ABCC8: variants seen among roughly 807,000 people sequenced by gnomAD.
ABCC8 encodes ATP-binding cassette sub-family C member 8.
A neutral mutation model predicts 188.0 loss-of-function variants in ABCC8; 137 were observed. That is an observed-to-expected ratio of 0.73 (90% CI 0.63 to 0.84). ABCC8 has a LOEUF of 0.84. Among genes scored for constraint, ABCC8 ranks in the 40% least tolerant of loss-of-function variants. ABCC8 has a pLI of 0.00. For missense variants in ABCC8, 1,750 were observed against 2,072.7 expected (o/e 0.84, Z 3.02); for synonymous variants, 797 against 846.5 (o/e 0.94, Z 1.01).
At chr11:17,443,411 C>G in intron 8 of ABCC8, 99 bp from the exon 9 acceptor site, 1 of 1,595,104 alleles carries the variant, frequency 6.3e-7, no homozygotes, top group South Asian at 1.1e-5. Flanking sequence ...TAGAGTGGGA[C>G]AAGCCTTGGT....
At position 17,427,243 on chromosome 11, in the gene ABCC8, A is replaced by G; in HGVS notation, c.2117-89T>C. ...AAAGACAGACAGACAGATGCACCCA[A>G]CCCTGGGGCCCCTGTTTTCTTTCTT... is the stretch of plus-strand genomic sequence containing the variant. On this transcript the variant is annotated intron_variant, in intron 15 of 38. Coordinates refer to ENST00000389817, the MANE Select transcript of ABCC8 (RefSeq NM_000352.6). The surrounding 1 kb of genome is among the most constrained non-coding windows in gnomAD (Gnocchi z 5.0). 7.1e-7 allele frequency: 1 copy of G among 1,402,726 alleles called. No individual in the cohort carries two copies. The highest frequency in any genetic ancestry group is 9.3e-7 in the Non-Finnish European group (1 of 1,077,926). 86.9% of individuals were successfully genotyped at this position (1,402,726 alleles called of 1,614,324 possible). A position where few individuals can be genotyped will look rare whatever the true frequency, so the allele number is the denominator to read the frequency against.
At chr11:17,465,241 C>T (rs1220624792) in intron 3 of ABCC8, among the ~76,000 whole-genome samples, 1 of 152,246 alleles carries the variant, frequency 6.6e-6, no homozygotes, top group Non-Finnish European at 1.5e-5. Context: ...CGGACAGATT[C>T]TATCCCAGGC....
In ABCC8 at chr11:17,430,746, C is replaced by G. The variant is rs1955807844; in HGVS notation, c.1817+68G>C. On this transcript the variant is annotated intron_variant, in intron 12 of 38. Coordinates refer to ENST00000389817, the MANE Select transcript of ABCC8 (RefSeq NM_000352.6). ...CCAAACAGCTGTGGTTTGGCCATCA[C>G]TCGAGCAAGCCTTGAGGCTGACACA... 5.2e-5 allele frequency: 81 copies of G among 1,551,802 alleles called. 1 individual carries two copies. The South Asian group carries it at 8.6e-4, about 16-fold the overall frequency.
intron 16 of ABCC8, among the ~76,000 whole-genome samples, chr11:17,426,369 A>G (rs1212417757): frequency 6.6e-6 from 1 of 152,202 alleles, no homozygotes; most frequent in Non-Finnish European, 1.5e-5. Flanking sequence ...CTTTTTAACG[A>G]TCACCATTCT....
At chr11:17,437,046 G>A (rs555760113) in intron 10 of ABCC8, among the ~76,000 whole-genome samples, 12 of 134,032 alleles carry the variant, frequency 9.0e-5, no homozygotes, top group South Asian at 4.8e-4. Context: ...AGCCGAGATC[G>A]CGCCACTGCA....
intron 10 of ABCC8, among the ~76,000 whole-genome samples, chr11:17,436,500 C>A (rs748480346): frequency 6.6e-6 from 1 of 152,048 alleles, no homozygotes; most frequent in African/African-American, 2.4e-5. Flanking sequence ...AGATTTCTGT[C>A]CAACTCAGGC....
At chr11:17,423,819 T>A (rs1955462069) in intron 16 of ABCC8, among the ~76,000 whole-genome samples, 1 of 152,222 alleles carries the variant, frequency 6.6e-6, no homozygotes, top group African/African-American at 2.4e-5. Flanking sequence ...TATGCCTTCT[T>A]CATGAGGCTC....
At chr11:17,399,275 C>CAAAAAAAAAAAAAA (rs57138230) in intron 29 of ABCC8, among the ~76,000 whole-genome samples, 7 of 58,546 alleles carry the variant, frequency 1.2e-4, no homozygotes, top group African/African-American at 1.8e-4. Flanking sequence ...GACTCTGCCT[C>CAAAAAAAAAAAAAA]AAAAAAAAAA....
chr11:17,475,214 TC>T, intron 1 of ABCC8, 187 bp from the exon 2 acceptor site: 2 of 319,492 alleles, frequency 6.3e-6, no homozygotes, highest in Non-Finnish European at 9.0e-6. Context: ...TGCTGGTACC[TC>T]CCCCACCACA....
chr11:17,435,753 C>T (rs1238532559), intron 10 of ABCC8: 28 of 1,347,468 alleles, frequency 2.1e-5, no homozygotes, highest in Non-Finnish European at 2.7e-5. Context: ...GGGGAATCTT[C>T]AGGCCTTTTC....
rs149628344 is a variant in ABCC8, at chr11:17,413,421, A to G, written c.2448T>C (p.His816=). 1.2e-6 allele frequency: 2 copies of G among 1,614,156 alleles called. No individual in the cohort carries two copies. The highest frequency in any genetic ancestry group is 1.7e-6 in the Non-Finnish European group (2 of 1,180,022). Residue 816 remains histidine (H), a synonymous_variant, in exon 20 of 39, where the codon CAT becomes CAC. Coordinates refer to ENST00000389817, the MANE Select transcript of ABCC8 (RefSeq NM_000352.6). ...GTTCCCCAATCTGGGTCTGGTCTCCATGGGGCAGGATGTCGATGTCTGGCT... is the reference window on the plus strand; with the variant it reads ...GTTCCCCAATCTGGGTCTGGTCTCCGTGGGGCAGGATGTCGATGTCTGGCT... ...SLQPDIDILP[H]GDQTQIGERG... is the part of the protein sequence containing the mutation.
rs1435281584 is a variant in ABCC8, at chr11:17,393,042, C to T, written c.4695G>A (p.Leu1565=). The T allele has an allele frequency of 6.2e-7, 1 of 1,614,194 alleles. No homozygotes were observed. Among genetic ancestry groups the T allele is most frequent in the Non-Finnish European group, 8.5e-7 (1 of 1,180,048 alleles). ...CGAAGACGCTGTCCTTCCGGCTGAG[C>T]AGCTTCTCTGGCTTATCGAACTCAA... is the stretch of plus-strand genomic sequence containing the variant. ...AILEFDKPEK[L]LSRKDSVFAS... is the part of the protein sequence containing the mutation. The change falls in exon 39 of 39, where the codon CTG becomes CTA. Residue 1565 remains leucine (L), a synonymous_variant. Coordinates refer to ENST00000389817, the MANE Select transcript of ABCC8 (RefSeq NM_000352.6).
At chr11:17,414,079 T>C (rs1283161137) in intron 19 of ABCC8, among the ~76,000 whole-genome samples, 1 of 152,206 alleles carries the variant, frequency 6.6e-6, no homozygotes, top group Non-Finnish European at 1.5e-5. Flanking sequence ...AATATCTACC[T>C]ACTGAGGTTG....
At position 17,427,839 on chromosome 11, in the gene ABCC8, C is replaced by A. The variant is rs765739994; in HGVS notation, c.2116+28G>T. The A allele has an allele frequency of 6.2e-7, 1 of 1,612,874 alleles. No homozygotes were observed. On this transcript the variant is annotated intron_variant, in intron 15 of 38. Transcript: ENST00000389817. The surrounding 1 kb of genome is among the most constrained non-coding windows in gnomAD (Gnocchi z 5.0). ...TTATTCAGTGGGACATGGGGAGGGG[C>A]ATGCTGGAGGGGTGGACTGGGCCAT...
intron 8 of ABCC8, among the ~76,000 whole-genome samples, chr11:17,444,768 G>C (rs1030619423): frequency 6.6e-6 from 1 of 152,198 alleles, no homozygotes; most frequent in Non-Finnish European, 1.5e-5. Flanking sequence ...CTGTGGCCCT[G>C]AGTTTCAAAG....
At chr11:17,426,965 A>T in intron 16 of ABCC8, 84 bp downstream of exon 16, 1 of 1,510,804 alleles carries the variant, frequency 6.6e-7, no homozygotes. Context: ...TGGGCCCTCC[A>T]ATAAATGTGT....
rs1189764943 is a variant in ABCC8, at chr11:17,394,582, G to C, written c.4412-183C>G. ...TGACACAACAATGTGGAGGCCGTCT[G>C]CAAGGACTGCAACGAGAAGGGCACC... On this transcript the variant is annotated intron_variant, in intron 36 of 38. Transcript: ENST00000389817. 5.5e-5 allele frequency: 38 copies of C among 690,684 alleles called. No homozygotes were observed. In the South Asian group the frequency reaches 7.9e-4, roughly 14 times the overall value. 42.8% of individuals were successfully genotyped at this position (690,684 alleles called of 1,614,324 possible). A position where few individuals can be genotyped will look rare whatever the true frequency, so the allele number is the denominator to read the frequency against.
chr11:17,448,310 T>G (rs1564955153), intron 8 of ABCC8: 2 of 601,714 alleles, frequency 3.3e-6, no homozygotes, highest in Middle Eastern at 4.4e-4. Context: ...TACTGCCTTC[T>G]CTGGTCATTA....
intron 26 of ABCC8, 179 bp from the exon 27 acceptor site, chr11:17,405,742 G>T: frequency 2.5e-6 from 2 of 796,616 alleles, no homozygotes; most frequent in Non-Finnish European, 3.0e-6. Flanking sequence ...CTGCCCAAAG[G>T]GGCGCTGGCC....
Sources: gnomAD v4.1 joint callset for allele counts (sites outside exome capture counted in the v4.1 genomes callset) on GRCh38, gnomAD v4.1.1 for gene constraint, Gnocchi (gnomAD v3.1) non-coding constraint, MANE v1.5 for transcripts, NCBI Gene and HGNC (gene_info 2026-07-23, HGNC 2026-07-21) for gene names.